COG8: variants seen among roughly 807,000 people sequenced by gnomAD.
COG8 encodes the protein component of oligomeric golgi complex 8, also known as conserved oligomeric Golgi complex subunit 8.
A neutral mutation model predicts 46.5 loss-of-function variants in COG8; 45 were observed. The ratio of observed to expected loss-of-function variants is 0.97; its 90% CI spans 0.76 to 1.24. The LOEUF (loss-of-function observed/expected upper bound fraction) is 1.24, where lower values mean the gene tolerates loss of function less well. COG8 is among the 50% of genes most tolerant of loss of function. COG8 has a pLI of 0.00. For missense variants in COG8, 793 were observed against 820.8 expected, an observed-to-expected ratio of 0.97 and a Z score of 0.41; for synonymous variants, 407 against 347.8, an observed-to-expected ratio of 1.17 and a Z score of -1.90.
At chr16:69,330,785 G>T in intron 5 of COG8, 28 bp downstream of exon 5, 1 of 1,502,750 alleles carries the variant, frequency 6.7e-7, no homozygotes, top group South Asian at 1.3e-5. Flanking sequence ...GGCAGTCCTG[G>T]CCACCCCGCG....
In COG8 at chr16:69,334,947, C is replaced by T; in HGVS notation, c.987G>A (p.Val329=). The change falls in exon 3 of 6, where the codon GTG becomes GTA. Residue 329 remains valine (V), a synonymous_variant. Coordinates refer to ENST00000306875, the MANE Select transcript of COG8 (RefSeq NM_032382.5). ...VLQKVSQFLQ[V]LETDLYRGIG... ...TGCCCCGGTAAAGGTCGGTCTCCAG[C>T]ACCTGCAGGAATTGTGAGACCTTCT... 6.2e-7 allele frequency: 1 copy of T among 1,614,168 alleles called. No individual in the cohort carries two copies. Among genetic ancestry groups the T allele is most frequent in the Non-Finnish European group, 8.5e-7 (1 of 1,180,038 alleles).
intron 4 of COG8, among the ~76,000 whole-genome samples, chr16:69,331,643 C>T (rs2011855197): frequency 6.6e-6 from 1 of 151,776 alleles, no homozygotes; most frequent in Admixed American, 6.6e-5. Flanking sequence ...GCTGGGATTA[C>T]AGGCGCCCGC....
rs781757701 is a variant in COG8 at position 69,330,164 on chromosome 16, G to A, written c.*26+649C>T. 6.5e-6 allele frequency: 10 copies of A among 1,531,790 alleles called. No homozygotes were observed. In the East Asian group the frequency reaches 1.8e-4, roughly 28 times the overall value. 94.9% of individuals were successfully genotyped at this position (1,531,790 alleles called of 1,614,324 possible). ...TTGGCGGAGCGCGCGCTGGCGGGGCGGGCACTCCCGACACAGCGCCTCGGG... is the reference window on the plus strand; with the variant it reads ...TTGGCGGAGCGCGCGCTGGCGGGGCAGGCACTCCCGACACAGCGCCTCGGG... On this transcript the variant is annotated intron_variant, in intron 5 of 5. Transcript: ENST00000306875.
chr16:69,329,808 T>A (rs993691123), intron 5 of COG8, among the ~76,000 whole-genome samples: 5 of 152,244 alleles, frequency 3.3e-5, no homozygotes, highest in African/African-American at 1.2e-4. Context: ...TCCTCGCCCC[T>A]GCGTCCTATC....
At position 69,329,207 on chromosome 16, in the gene COG8, G is replaced by A. The variant is rs761008296; in HGVS notation, c.*27-28C>T. On this transcript the variant is annotated intron_variant, in intron 5 of 5. Transcript: ENST00000306875. ...GCAAAGGAAGTTACAGCCCTGGTGAGTGGGAACAGCTGAACTGCATCATCC... is the reference window on the plus strand; with the variant it reads ...GCAAAGGAAGTTACAGCCCTGGTGAATGGGAACAGCTGAACTGCATCATCC... 10 of 1,558,100 alleles carry A rather than the reference G, an allele frequency of 6.4e-6. No individual in the cohort carries two copies. The South Asian group carries it at 1.2e-4, about 19-fold the overall frequency.
chr16:69,330,585 C>A, intron 5 of COG8: 2 of 1,442,504 alleles, frequency 1.4e-6, no homozygotes, highest in Non-Finnish European at 1.8e-6. Flanking sequence ...GCCCCCTTAA[C>A]AGTGACCCGG....
At chr16:69,333,166 G>GTT (rs554776759) in intron 3 of COG8, among the ~76,000 whole-genome samples, 39 of 130,846 alleles carry the variant, frequency 3.0e-4, no homozygotes, top group Admixed American at 3.1e-4. Flanking sequence ...CATGGTTTTG[G>GTT]TTTTTTTTTT....
intron 4 of COG8, among the ~76,000 whole-genome samples, chr16:69,331,955 A>C (rs74027308): frequency 0.019 from 2,936 of 152,362 alleles, 90 homozygotes; most frequent in African/African-American, 0.065. Flanking sequence ...GAGGGCAGCC[A>C]GGCTTTGCAC....
chr16:69,330,235 G>A, intron 5 of COG8: 1 of 1,448,518 alleles, frequency 6.9e-7, no homozygotes, highest in Non-Finnish European at 9.0e-7. Context: ...GCTGCGGCGC[G>A]CTTAGGCCCA....
chr16:69,331,786 C>T (rs2011870642), intron 4 of COG8, among the ~76,000 whole-genome samples: 1 of 152,112 alleles, frequency 6.6e-6, no homozygotes, highest in African/African-American at 2.4e-5. Flanking sequence ...CAGGCATGAG[C>T]CACTGCGCCC....
chr16:69,333,242 C>T lies in COG8; in HGVS notation c.1414-360G>A, dbSNP rs141708842. 9.9e-4 allele frequency among the ~76,000 whole-genome samples: 149 copies of T among 150,926 alleles called. 6 individuals carry two copies. The East Asian group carries it at 0.026, about 26-fold the overall frequency. On this transcript the variant is annotated intron_variant, in intron 3 of 5. Coordinates refer to ENST00000306875, the MANE Select transcript of COG8 (RefSeq NM_032382.5). Reference sequence around the variant, plus strand: ...GGAGTGTAGCGGCACAATCAGCTCACTGTAGCTTCAAACTCCTGGGCTCAA... The same window carrying T: ...GGAGTGTAGCGGCACAATCAGCTCATTGTAGCTTCAAACTCCTGGGCTCAA...
chr16:69,330,438 G>A (rs1413117569), intron 5 of COG8: 3 of 1,473,472 alleles, frequency 2.0e-6, no homozygotes, highest in African/African-American at 1.5e-5. Context: ...TAGGAGCGCC[G>A]CAGCGCCGGG....
chr16:69,333,837 C>T (rs1230271701), intron 3 of COG8, among the ~76,000 whole-genome samples: 1 of 152,156 alleles, frequency 6.6e-6, no homozygotes, highest in Non-Finnish European at 1.5e-5. Flanking sequence ...TAAAATAAAA[C>T]ACTTTTAACA....
chr16:69,337,007 C>T (rs1481571605), intron 1 of COG8, among the ~76,000 whole-genome samples: 2 of 152,046 alleles, frequency 1.3e-5, no homozygotes, highest in African/African-American at 2.4e-5. Context: ...ATTAGTAAAA[C>T]GGTATATAGG....
intron 4 of COG8, among the ~76,000 whole-genome samples, chr16:69,331,895 G>C (rs1419626677): frequency 6.6e-6 from 1 of 152,216 alleles, no homozygotes; most frequent in Non-Finnish European, 1.5e-5. Flanking sequence ...CAGCAGTGTA[G>C]GGTGCCTGCA....
Position 69,339,493 on chromosome 16 carries a change from C to T in COG8, c.60G>A (p.Glu20=). 6.2e-7 allele frequency: 1 copy of T among 1,606,094 alleles called. No homozygotes were observed. The highest frequency in any genetic ancestry group is 8.5e-7 in the Non-Finnish European group (1 of 1,179,814). The part of the protein sequence containing the change: ...VATATAAALG[E]VEDEGLLASL... ...ACGCCAGGAGCCCTTCATCCTCCACCTCGCCGAGAGCCGCTGCTGTGGCCG... is the reference window on the plus strand; with the variant it reads ...ACGCCAGGAGCCCTTCATCCTCCACTTCGCCGAGAGCCGCTGCTGTGGCCG... Residue 20 remains glutamate, a synonymous_variant, in exon 1 of 6, where the codon GAG becomes GAA. Transcript: ENST00000306875.
At chr16:69,339,008 G>A (rs771832741) in intron 1 of COG8, 168 bp downstream of exon 1, 24 of 917,626 alleles carry the variant, frequency 2.6e-5, no homozygotes, top group Non-Finnish European at 3.4e-5. Context: ...AGATAAAAAA[G>A]GAATAACAGT....
chr16:69,330,869 C>T lies in COG8; in HGVS notation c.1809G>A (p.Thr603=), dbSNP rs768589618. The T allele has an allele frequency of 7.1e-5, 110 of 1,544,408 alleles. No individual in the cohort carries two copies. The highest frequency in any genetic ancestry group is 9.1e-5 in the Non-Finnish European group (104 of 1,145,560). Residue 603 remains threonine (T), a synonymous_variant, in exon 5 of 6, where the codon ACG becomes ACA. Coordinates refer to ENST00000306875, the MANE Select transcript of COG8 (RefSeq NM_032382.5). ...GCCCCACGCTGGGCGGTTCGGCCTGCGTCTCCGCTCGCCCTCCCTCCGGGC... is the reference window on the plus strand; with the variant it reads ...GCCCCACGCTGGGCGGTTCGGCCTGTGTCTCCGCTCGCCCTCCCTCCGGGC... ...PACPEGGRAE[T]QAEPPSVGP
At chr16:69,329,455 C>G (rs1279577867) in intron 5 of COG8, among the ~76,000 whole-genome samples, 1 of 152,236 alleles carries the variant, frequency 6.6e-6, no homozygotes, top group African/African-American at 2.4e-5. Context: ...CCCTTCCGAA[C>G]ACTCCTCCCA....
Sources: gnomAD v4.1 joint callset for allele counts (sites outside exome capture counted in the v4.1 genomes callset) on GRCh38, gnomAD v4.1.1 for gene constraint, MANE v1.5 for transcripts, NCBI Gene and HGNC (gene_info 2026-07-23, HGNC 2026-07-21) for gene names.